The following ZNF773 variants were observed in gnomAD, a reference collection of about 807,000 sequenced individuals.
ZNF773 encodes zinc finger protein 419B.
A neutral mutation model predicts 12.8 loss-of-function variants in ZNF773; 11 were observed. The ratio of observed to expected loss-of-function variants is 0.86; its 90% CI spans 0.54 to 1.42. The LOEUF is 1.42. Among genes scored for constraint, ZNF773 ranks in the 40% most tolerant of loss-of-function variants. The pLI is 0.00. For missense variants in ZNF773, 518 were observed against 527.2 expected (o/e 0.98, Z 0.17); for synonymous variants, 175 against 178.4 (o/e 0.98, Z 0.15).
At chr19:57,505,987 G>T (rs112821690) in intron 3 of ZNF773, among the ~76,000 whole-genome samples, 1 of 152,128 alleles carries the variant, frequency 6.6e-6, no homozygotes, top group Non-Finnish European at 1.5e-5. Flanking sequence ...GGGATTACAG[G>T]CATGAGGCAC....
At chr19:57,513,705 G>A (rs1480878996), downstream of ZNF773, 1 of 152,178 alleles carries the variant, frequency 6.6e-6, no homozygotes, top group Non-Finnish European at 1.5e-5. Flanking sequence ...ATTGGATGCA[G>A]GACATATTGA....
At chr19:57,518,370 G>A (rs1415900417) in exon 5 of ZNF773, 1 of 152,176 alleles carries the variant, frequency 6.6e-6, no homozygotes, top group Non-Finnish European at 1.5e-5. Flanking sequence ...AAATACAAAG[G>A]GCTGTAGAAG....
chr19:57,509,359 A>G (rs2089778541), downstream of ZNF773, among the ~76,000 whole-genome samples: 2 of 152,344 alleles, frequency 1.3e-5, no homozygotes, highest in Admixed American at 6.5e-5. Context: ...ATGTGTACAT[A>G]TTCCCTATCT....
downstream of ZNF773, among the ~76,000 whole-genome samples, chr19:57,509,820 T>A (rs1262017256): frequency 2.0e-5 from 3 of 152,208 alleles, no homozygotes; most frequent in Non-Finnish European, 4.4e-5. Context: ...TTTTTCTTGA[T>A]GGCATCAGCT....
downstream of ZNF773, chr19:57,518,109 C>A (rs2089842082): frequency 6.5e-6 from 1 of 153,132 alleles, no homozygotes; most frequent in Admixed American, 6.5e-5. Flanking sequence ...GTGACCAACT[C>A]AGTATACCAC....
At chr19:57,501,217 A>C (rs2089666040) in intron 1 of ZNF773, among the ~76,000 whole-genome samples, 1 of 151,906 alleles carries the variant, frequency 6.6e-6, no homozygotes, top group African/African-American at 2.4e-5. Context: ...GATGGTCTTC[A>C]GGGGAGTATA....
intron 1 of ZNF773, 145 bp from the exon 2 acceptor site, chr19:57,504,512 G>T: frequency 8.3e-7 from 1 of 1,210,374 alleles, no homozygotes; most frequent in South Asian, 1.4e-5. Context: ...AACATGAGGA[G>T]AGAGTGGGCA....
chr19:57,515,202 A>G (rs919312083), downstream of ZNF773: 1 of 152,214 alleles, frequency 6.6e-6, no homozygotes, highest in African/African-American at 2.4e-5. Context: ...GTTCACTCTC[A>G]TGCTGCTCCT....
chr19:57,507,422 T>C lies in ZNF773; in HGVS notation c.1327T>C (p.Ter443ArgextTer2), dbSNP rs141974936. ...HRRIHTGEIQ[*>R] ...AAGGATTCACACTGGAGAAATACAATGATTGTGAGAAATCCTTTAGCTGGT... is the reference window on the plus strand; with the variant it reads ...AAGGATTCACACTGGAGAAATACAACGATTGTGAGAAATCCTTTAGCTGGT... The change falls in exon 4 of 4, where the codon TGA (stop) becomes CGA (arginine). Residue 443 changes from the stop codon to arginine (R), a stop_lost. Transcript: ENST00000282292. The C allele has an allele frequency of 6.3e-6, 10 of 1,582,578 alleles. No individual in the cohort carries two copies. Among genetic ancestry groups the C allele is most frequent in the Non-Finnish European group, 8.6e-6 (10 of 1,167,026 alleles).
downstream of ZNF773, chr19:57,515,360 C>T (rs948207718): frequency 1.3e-4 from 20 of 152,366 alleles, no homozygotes; most frequent in Admixed American, 7.8e-4. Flanking sequence ...TGCCCTTACT[C>T]GTATGTTTCA....
chr19:57,504,820 G>C, intron 2 of ZNF773, 34 bp downstream of exon 2: 5 of 1,593,216 alleles, frequency 3.1e-6, no homozygotes, highest in Non-Finnish European at 4.3e-6. Context: ...AGCATCCTGA[G>C]CTGGACTTGG....
intron 2 of ZNF773, 54 bp downstream of exon 2, chr19:57,504,840 C>G: frequency 6.3e-7 from 1 of 1,581,396 alleles, no homozygotes; most frequent in Admixed American, 1.7e-5. Context: ...GCTTTTCCTC[C>G]TTTTCCTAGG....
chr19:57,512,578 AT>A (rs149626208), downstream of ZNF773, among the ~76,000 whole-genome samples: 31,370 of 151,714 alleles, frequency 0.21, 3,364 homozygotes, highest in African/African-American at 0.25. Flanking sequence ...TAATTTTTGT[AT>A]TTTTTAGTAG....
chr19:57,504,272 G>A (rs2089701699), intron 1 of ZNF773, among the ~76,000 whole-genome samples: 1 of 152,190 alleles, frequency 6.6e-6, no homozygotes, highest in Admixed American at 6.5e-5. Flanking sequence ...AGGGGGCAGT[G>A]GTTGTGGTAC....
downstream of ZNF773, among the ~76,000 whole-genome samples, chr19:57,508,891 G>C (rs56796260): frequency 0.22 from 32,834 of 152,054 alleles, 3,744 homozygotes; most frequent in African/African-American, 0.28. Context: ...GTTGCAAGTT[G>C]TTAACATTTC....
intron 1 of ZNF773, among the ~76,000 whole-genome samples, chr19:57,500,707 T>G (rs1375858386): frequency 6.6e-6 from 1 of 152,128 alleles, no homozygotes; most frequent in Admixed American, 6.5e-5. Flanking sequence ...TGTATTTTTG[T>G]TTGTTCCTGA....
downstream of ZNF773, chr19:57,513,700 A>C (rs2089814707): frequency 6.6e-6 from 1 of 152,248 alleles, no homozygotes; most frequent in Non-Finnish European, 1.5e-5. Context: ...GAGCGATTGG[A>C]TGCAGGACAT....
At chr19:57,504,443 A>G (rs1344082410) in intron 1 of ZNF773, among the ~76,000 whole-genome samples, 1 of 152,126 alleles carries the variant, frequency 6.6e-6, no homozygotes, top group Non-Finnish European at 1.5e-5. Context: ...GACTCTGCAT[A>G]CCATGCCCAG....
intron 3 of ZNF773, among the ~76,000 whole-genome samples, chr19:57,505,716 T>G (rs1259745389): frequency 6.7e-6 from 1 of 148,956 alleles, no homozygotes; most frequent in East Asian, 2.0e-4. Context: ...CCAGTTGTTT[T>G]TTTTTTTTTT....
Sources: allele counts gnomAD v4.1 joint callset (sites outside exome capture counted in the v4.1 genomes callset), GRCh38; gene constraint gnomAD v4.1.1; transcripts MANE v1.5; gene names NCBI Gene and HGNC (gene_info 2026-07-23, HGNC 2026-07-21).